SH3GL2: variants seen among roughly 807,000 people sequenced by gnomAD.
SH3GL2 encodes the protein SH3 domain containing GRB2 like 2, endophilin A1, also known as endophilin-A1.
Under a neutral mutation model 46.0 loss-of-function variants are expected in SH3GL2, and 24 were observed. The ratio of observed to expected loss-of-function variants is 0.52; its 90% CI spans 0.38 to 0.73. SH3GL2 has a LOEUF of 0.73. Ranked by LOEUF, SH3GL2 falls within the 30% of genes least tolerant of loss-of-function variation. SH3GL2 has a pLI of 0.00. For synonymous variants in SH3GL2, 196 were observed against 147.1 expected (o/e 1.33, Z -2.40); for missense variants, 413 against 424.2 (o/e 0.97, Z 0.23).
At chr9:17,659,656 C>T (rs776888876) in intron 1 of SH3GL2, among the ~76,000 whole-genome samples, 1 of 152,082 alleles carries the variant, frequency 6.6e-6, no homozygotes, top group Non-Finnish European at 1.5e-5. Context: ...CCCAGAAATG[C>T]GTTTACTCTC....
At chr9:17,611,842 A>G (rs1818874241) in intron 1 of SH3GL2, among the ~76,000 whole-genome samples, 2 of 151,844 alleles carry the variant, frequency 1.3e-5, no homozygotes, top group South Asian at 4.2e-4. Context: ...GGTCTGCCCA[A>G]CTCCTCTTGT....
Position 17,612,737 on chromosome 9 carries a change from GT to G in SH3GL2, c.45+33452del, listed in dbSNP as rs1415449659. On this transcript the variant is annotated intron_variant, in intron 1 of 8. Coordinates refer to ENST00000380607, the MANE Select transcript of SH3GL2 (RefSeq NM_003026.5). ...TAAACCACTTATTGGTTTTAAGTGT[GT>G]TCACAGCCTTGTGCACCCATAACCG... is the stretch of plus-strand genomic sequence containing the variant. Among the ~76,000 whole-genome samples, 16 of 152,158 alleles carry G rather than the reference GT, an allele frequency of 1.1e-4. 1 individual carries two copies. The highest frequency in any genetic ancestry group is 6.5e-4 in the Admixed American group (10 of 15,276).
chr9:17,642,628 G>GT (rs1165455557), intron 1 of SH3GL2, among the ~76,000 whole-genome samples: 1 of 152,144 alleles, frequency 6.6e-6, no homozygotes, highest in Non-Finnish European at 1.5e-5. Context: ...CCCATTACTT[G>GT]TTTTTGTCAG....
At chr9:17,681,066 G>C (rs907164933) in intron 1 of SH3GL2, among the ~76,000 whole-genome samples, 1 of 151,960 alleles carries the variant, frequency 6.6e-6, no homozygotes, top group Non-Finnish European at 1.5e-5. Flanking sequence ...GGTCAATTTT[G>C]GAATAAGTAC....
chr9:17,698,145 A>G (rs1324463218), intron 1 of SH3GL2, among the ~76,000 whole-genome samples: 1 of 152,204 alleles, frequency 6.6e-6, no homozygotes, highest in East Asian at 1.9e-4. Context: ...TAGTAGAAGG[A>G]GTCCTGGATA....
At chr9:17,709,266 A>G (rs1284980014) in intron 1 of SH3GL2, among the ~76,000 whole-genome samples, 7 of 152,044 alleles carry the variant, frequency 4.6e-5, no homozygotes, top group South Asian at 4.1e-4. Context: ...GTCCTTTACA[A>G]TATCCTGTCG....
At chr9:17,615,059 C>G (rs900653085) in intron 1 of SH3GL2, among the ~76,000 whole-genome samples, 1 of 152,170 alleles carries the variant, frequency 6.6e-6, no homozygotes, top group African/African-American at 2.4e-5. Flanking sequence ...CATTGGACCC[C>G]TCCCAACTGC....
chr9:17,587,837 AT>A (rs1364457263), intron 1 of SH3GL2, among the ~76,000 whole-genome samples: 1 of 151,886 alleles, frequency 6.6e-6, no homozygotes, highest in African/African-American at 2.4e-5. Context: ...AGTGAGCCAG[AT>A]TGCACCACTG....
intron 2 of SH3GL2, among the ~76,000 whole-genome samples, chr9:17,759,652 C>G (rs1025250327): frequency 6.6e-6 from 1 of 152,010 alleles, no homozygotes; most frequent in Non-Finnish European, 1.5e-5. Context: ...CAGAAGACAG[C>G]TTATGGTGAT....
At chr9:17,624,733 C>G (rs375096938) in intron 1 of SH3GL2, among the ~76,000 whole-genome samples, 6 of 152,262 alleles carry the variant, frequency 3.9e-5, no homozygotes, top group African/African-American at 1.4e-4. Flanking sequence ...TCAGGCTCAT[C>G]TTGTATATAC....
intron 1 of SH3GL2, among the ~76,000 whole-genome samples, chr9:17,698,277 A>G (rs1821258258): frequency 6.6e-6 from 1 of 152,164 alleles, no homozygotes; most frequent in Non-Finnish European, 1.5e-5. Context: ...TCTGCCTCTG[A>G]ATTTCTGACT....
intron 3 of SH3GL2, among the ~76,000 whole-genome samples, chr9:17,773,278 C>A (rs9406711): frequency 0.54 from 82,543 of 151,854 alleles, 23,377 homozygotes; most frequent in East Asian, 0.86. Flanking sequence ...TACTCAGTTT[C>A]TAGTGTCTTT....
chr9:17,650,311 T>C (rs925698572), intron 1 of SH3GL2, among the ~76,000 whole-genome samples: 29 of 152,218 alleles, frequency 1.9e-4, no homozygotes, highest in African/African-American at 7.0e-4. Context: ...TCTCAAGCCT[T>C]AATAATCATG....
chr9:17,742,355 C>A (rs536701966), intron 1 of SH3GL2, among the ~76,000 whole-genome samples: 1 of 152,038 alleles, frequency 6.6e-6, no homozygotes, highest in Non-Finnish European at 1.5e-5. Flanking sequence ...AGAACAGTGG[C>A]CATTTATTTA....
intron 1 of SH3GL2, among the ~76,000 whole-genome samples, chr9:17,683,008 C>G (rs1427081448): frequency 6.6e-6 from 1 of 152,028 alleles, no homozygotes; most frequent in Non-Finnish European, 1.5e-5. Context: ...AATGACTTTT[C>G]TTGGTCTCAT....
In SH3GL2 at chr9:17,786,516, G is replaced by C; in HGVS notation, c.323G>C (p.Cys108Ser). Residue 108 changes from cysteine to serine, a missense_variant, in exon 4 of 9, where the codon TGC (cysteine) becomes TCC (serine). Cys to Ser is a moderately radical substitution (Grantham distance 112, BLOSUM62 -1). Transcript: ENST00000380607. ...TTTGGAAGAGAGCTTGGAGATGATT[G>C]CAACTTTGGTAACAAGTGCTTCCTC... ...LKFGRELGDD[C>S]NFGPALGEVG... 1 of 1,613,234 alleles carries C rather than the reference G, an allele frequency of 6.2e-7. No homozygotes were observed. The highest frequency in any genetic ancestry group is 8.5e-7 in the Non-Finnish European group (1 of 1,179,516).
intron 1 of SH3GL2, among the ~76,000 whole-genome samples, chr9:17,727,653 C>G (rs997603200): frequency 6.6e-6 from 1 of 152,162 alleles, no homozygotes. Flanking sequence ...GCAACCACAG[C>G]CACTGGGAAT....
intron 1 of SH3GL2, among the ~76,000 whole-genome samples, chr9:17,662,915 T>G (rs1422592312): frequency 6.6e-6 from 1 of 152,170 alleles, no homozygotes; most frequent in Non-Finnish European, 1.5e-5. Context: ...TTTGCCATGT[T>G]GGCCAGGCTG....
At chr9:17,659,444 G>GGTGT (rs751658195) in intron 1 of SH3GL2, among the ~76,000 whole-genome samples, 4 of 150,930 alleles carry the variant, frequency 2.7e-5, no homozygotes, top group African/African-American at 7.3e-5. Context: ...TGAAGTAAGT[G>GGTGT]GTGTGTGTGT....
Sources: allele counts gnomAD v4.1 joint callset (sites outside exome capture counted in the v4.1 genomes callset), GRCh38; gene constraint gnomAD v4.1.1; transcripts MANE v1.5; gene names NCBI Gene and HGNC (gene_info 2026-07-23, HGNC 2026-07-21).